NPAS3: variants seen among roughly 807,000 people sequenced by gnomAD.
NPAS3 encodes the protein neuronal PAS domain-containing protein 3.
A neutral mutation model predicts 73.1 loss-of-function variants in NPAS3; 14 were observed. That is an observed-to-expected ratio of 0.19 (90% CI 0.13 to 0.30). The LOEUF is 0.30. Among genes scored for constraint, NPAS3 ranks in the 10% least tolerant of loss-of-function variants. The pLI is 1.00. For missense variants in NPAS3, 1,096 were observed against 1,250.0 expected, an observed-to-expected ratio of 0.88 and a Z score of 1.86; for synonymous variants, 620 against 541.5, an observed-to-expected ratio of 1.14 and a Z score of -2.01.
intron 3 of NPAS3, among the ~76,000 whole-genome samples, chr14:33,260,048 G>A (rs1308892682): frequency 6.6e-6 from 1 of 152,048 alleles, no homozygotes; most frequent in South Asian, 2.1e-4. Flanking sequence ...GCATGCAGCC[G>A]GCATTTTGTT....
chr14:33,700,156 T>C (rs2060489186), intron 6 of NPAS3, among the ~76,000 whole-genome samples: 1 of 152,174 alleles, frequency 6.6e-6, no homozygotes, highest in African/African-American at 2.4e-5. Flanking sequence ...TTGAAACTCA[T>C]GGATATGAGT....
chr14:33,298,613 A>G (rs1487841485), intron 3 of NPAS3, among the ~76,000 whole-genome samples: 1 of 152,290 alleles, frequency 6.6e-6, no homozygotes, highest in Admixed American at 6.5e-5. Flanking sequence ...ATCAAGGTCT[A>G]TCCTTTCCTA....
intron 4 of NPAS3, among the ~76,000 whole-genome samples, chr14:33,430,837 G>C (rs2139148581): frequency 6.6e-6 from 1 of 152,300 alleles, no homozygotes; most frequent in East Asian, 1.9e-4. Flanking sequence ...CATCACAGCA[G>C]GGGCTCCTGA....
At chr14:32,936,309 T>G (rs1566777194), upstream of NPAS3, among the ~76,000 whole-genome samples, 2 of 152,140 alleles carry the variant, frequency 1.3e-5, no homozygotes, top group African/African-American at 4.8e-5. Flanking sequence ...CTGAAGTTTT[T>G]TTTTTTTTTT....
intron 5 of NPAS3, among the ~76,000 whole-genome samples, chr14:33,613,314 C>T (rs1394410912): frequency 6.6e-6 from 1 of 152,156 alleles, no homozygotes; most frequent in African/African-American, 2.4e-5. Flanking sequence ...GGACTTGTGA[C>T]CAAGAATGTG....
In NPAS3 at chr14:33,664,871, G is replaced by C. The variant is rs575753476; in HGVS notation, c.559-11340G>C. Among the ~76,000 whole-genome samples the C allele has an allele frequency of 1.0e-3, 157 of 152,340 alleles. 1 individual carries two copies. Among genetic ancestry groups the C allele is most frequent in the South Asian group, 3.5e-3 (17 of 4,826 alleles). ...AAGTCAGGAAACAACAGATCCTAGA[G>C]AGGATGTGGAGATAGGAACGCTTTT... On this transcript the variant is annotated intron_variant, in intron 5 of 11. Coordinates refer to ENST00000356141, the Ensembl canonical transcript of NPAS3.
chr14:33,701,002 T>G (rs1039704489), intron 6 of NPAS3, among the ~76,000 whole-genome samples: 1 of 152,182 alleles, frequency 6.6e-6, no homozygotes, highest in Non-Finnish European at 1.5e-5. Context: ...GCTTATAGGC[T>G]AGTAGGAGAA....
chr14:33,610,826 G>A (rs965801928), intron 5 of NPAS3, among the ~76,000 whole-genome samples: 1 of 152,182 alleles, frequency 6.6e-6, no homozygotes. Context: ...GCTAGGAGAG[G>A]TTGAAAACAA....
At chr14:33,001,696 C>G (rs1959168) in intron 1 of NPAS3, among the ~76,000 whole-genome samples, 1 of 152,118 alleles carries the variant, frequency 6.6e-6, no homozygotes, top group Non-Finnish European at 1.5e-5. Flanking sequence ...TCTGCACACA[C>G]TCTTGATAGT....
intron 7 of NPAS3, among the ~76,000 whole-genome samples, chr14:33,760,346 T>C (rs2062243163): frequency 6.6e-6 from 1 of 152,108 alleles, no homozygotes; most frequent in Non-Finnish European, 1.5e-5. Context: ...AGCTCATCTT[T>C]CCCCCTTTAT....
intron 6 of NPAS3, among the ~76,000 whole-genome samples, chr14:33,714,233 T>G (rs1041098802): frequency 1.2e-4 from 18 of 152,114 alleles, no homozygotes; most frequent in Admixed American, 1.1e-3. Context: ...CCCCACAGCA[T>G]TTCATACCAT....
chr14:33,800,949 T>C lies in NPAS3; in HGVS notation c.2642T>C (p.Met881Thr), dbSNP rs1363721713. ...TACCACCACGTGCACCGGCTCAACA[T>C]GTCAGGACCGTTCGGCGGCGCAGTG... Residue 881 changes from methionine (M) to threonine (T), a missense_variant, in exon 12 of 12, where the codon ATG (methionine) becomes ACG (threonine). By Grantham distance (81) the Met-to-Thr change is moderately conservative. Coordinates refer to ENST00000356141, the Ensembl canonical transcript of NPAS3. The surrounding 1 kb of genome is among the most constrained non-coding windows in gnomAD (Gnocchi z 6.5). 2 of 1,605,698 alleles carry C rather than the reference T, an allele frequency of 1.2e-6. No individual in the cohort carries two copies. The highest frequency in any genetic ancestry group is 2.3e-5 in the East Asian group (1 of 44,186).
intron 7 of NPAS3, among the ~76,000 whole-genome samples, chr14:33,772,523 T>C (rs537960101): frequency 3.9e-5 from 6 of 152,364 alleles, no homozygotes; most frequent in Non-Finnish European, 7.3e-5. Flanking sequence ...AGTGGGGATT[T>C]ATTTAGCATA....
chr14:33,510,385 A>C lies in NPAS3; in HGVS notation c.469-49736A>C, dbSNP rs117570678. Among the ~76,000 whole-genome samples the C allele has an allele frequency of 3.9e-5, 6 of 152,160 alleles. No individual in the cohort carries two copies. The East Asian group carries it at 1.2e-3, about 30-fold the overall frequency. On this transcript the variant is annotated intron_variant, in intron 4 of 11. Coordinates refer to ENST00000356141, the Ensembl canonical transcript of NPAS3. ...CTGCTATGATTCAGAGGTTGTCTGG[A>C]AAGTTCAGTAGCCAAAAGTTCCCTC...
At chr14:33,095,484 A>G (rs1312783034) in intron 2 of NPAS3, among the ~76,000 whole-genome samples, 1 of 152,132 alleles carries the variant, frequency 6.6e-6, no homozygotes, top group Non-Finnish European at 1.5e-5. Context: ...TGTCCTCTGC[A>G]GAGAAAACAG....
chr14:33,372,702 G>C (rs17100837), intron 4 of NPAS3, among the ~76,000 whole-genome samples: 34,088 of 152,106 alleles, frequency 0.22, 4,335 homozygotes, highest in East Asian at 0.36. Flanking sequence ...CAATGGCAGG[G>C]CTGTGAATCC....
intron 3 of NPAS3, among the ~76,000 whole-genome samples, chr14:33,343,820 C>T (rs1176768845): frequency 6.6e-6 from 1 of 152,176 alleles, no homozygotes; most frequent in Non-Finnish European, 1.5e-5. Context: ...CAGCCCTAGG[C>T]AGTGCAGCAG....
At chr14:32,983,699 T>C (rs1192821324) in intron 1 of NPAS3, among the ~76,000 whole-genome samples, 1 of 152,078 alleles carries the variant, frequency 6.6e-6, no homozygotes, top group Non-Finnish European at 1.5e-5. Context: ...TTATAACACA[T>C]ATTTAATGAA....
At chr14:33,032,170 TAGG>T (rs1391747697) in intron 1 of NPAS3, among the ~76,000 whole-genome samples, 3 of 152,178 alleles carry the variant, frequency 2.0e-5, no homozygotes, top group African/African-American at 7.2e-5. Flanking sequence ...AAGATAAATG[TAGG>T]AGGATTGTAC....
Sources: allele counts gnomAD v4.1 joint callset (sites outside exome capture counted in the v4.1 genomes callset), GRCh38; gene constraint gnomAD v4.1.1; non-coding constraint Gnocchi (gnomAD v3.1); transcripts MANE v1.5; gene names NCBI Gene and HGNC (gene_info 2026-07-23, HGNC 2026-07-21).